Variants in MROH1 observed in about 807,000 individuals in gnomAD.
The protein encoded by MROH1 is maestro heat-like repeat-containing protein family member 1.
In MROH1, 117 loss-of-function variants were observed where a neutral mutation model predicts 116.5. That is an observed-to-expected ratio of 1.00 (90% CI 0.86 to 1.17). MROH1 has a LOEUF of 1.17. Among genes scored for constraint, MROH1 ranks in the 50% most tolerant of loss-of-function variants. The probability of loss-of-function intolerance (pLI) is 0.00; values close to 1 mark genes in which losing one functional copy is unlikely to be tolerated. For missense variants in MROH1, 1,873 were observed against 1,338.5 expected (o/e 1.40, Z -6.23); for synonymous variants, 921 against 583.9 (o/e 1.58, Z -8.32).
At chr8:144,159,656 A>T (rs1374049745) in intron 1 of MROH1, among the ~76,000 whole-genome samples, 1 of 151,954 alleles carries the variant, frequency 6.6e-6, no homozygotes, top group Non-Finnish European at 1.5e-5. Flanking sequence ...TTAATAACTA[A>T]TGTCTGTGTC....
intron 12 of MROH1, among the ~76,000 whole-genome samples, chr8:144,206,852 G>A (rs1024401235): frequency 3.3e-5 from 5 of 151,376 alleles, no homozygotes; most frequent in Non-Finnish European, 5.9e-5. Context: ...GGCCAACATG[G>A]TGAAACCCTC....
At chr8:144,203,490 T>G (rs1389749034) in intron 12 of MROH1, among the ~76,000 whole-genome samples, 9 of 118,918 alleles carry the variant, frequency 7.6e-5, no homozygotes, top group South Asian at 2.9e-4. Flanking sequence ...GGCTATCTGT[T>G]GAGGGGTTGG....
intron 12 of MROH1, chr8:144,213,194 A>G: frequency 1.4e-6 from 1 of 718,068 alleles, no homozygotes; most frequent in Non-Finnish European, 2.6e-6. Context: ...GCGACTGCCC[A>G]TGTGGCCCTC....
intron 14 of MROH1, among the ~76,000 whole-genome samples, chr8:144,226,498 G>C (rs7815221): frequency 0.06 from 9,179 of 152,038 alleles, 955 homozygotes; most frequent in African/African-American, 0.21. Flanking sequence ...TATTACTCAG[G>C]CTGGAGTAAA....
At chr8:144,213,191 C>T (rs184451783) in intron 12 of MROH1, 15 of 718,194 alleles carry the variant, frequency 2.1e-5, no homozygotes, top group Non-Finnish European at 1.8e-5. Context: ...CGGGCGACTG[C>T]CCATGTGGCC....
chr8:144,260,096 T>G (rs1327434178), intron 38 of MROH1, 39 bp downstream of exon 38: 5 of 739,580 alleles, frequency 6.8e-6, no homozygotes, highest in Admixed American at 3.6e-5. Context: ...CCAGGCAGCA[T>G]GGGTGGGGGG....
intron 14 of MROH1, among the ~76,000 whole-genome samples, chr8:144,228,207 C>T (rs1025422900): frequency 6.6e-6 from 1 of 152,182 alleles, no homozygotes; most frequent in Non-Finnish European, 1.5e-5. Flanking sequence ...TATGCTCCAG[C>T]CTGGGCAACA....
intron 36 of MROH1, 71 bp downstream of exon 36, chr8:144,258,985 C>A: frequency 1.5e-6 from 1 of 663,864 alleles, no homozygotes. Context: ...CAGAACATGA[C>A]AGGATCAGGC....
chr8:144,175,018 C>T, intron 4 of MROH1: 1 of 985,408 alleles, frequency 1.0e-6, no homozygotes, highest in Non-Finnish European at 1.2e-6. Flanking sequence ...GCAAAGATTT[C>T]CCTCAAACTT....
At chr8:144,217,502 C>G (rs1294059579) in intron 12 of MROH1, among the ~76,000 whole-genome samples, 3 of 152,234 alleles carry the variant, frequency 2.0e-5, no homozygotes, top group Admixed American at 2.0e-4. Context: ...AATGCTCAAT[C>G]TATCCAGGCT....
At chr8:144,166,546 T>G (rs1445725437) in intron 3 of MROH1, among the ~76,000 whole-genome samples, 2 of 152,142 alleles carry the variant, frequency 1.3e-5, no homozygotes, top group African/African-American at 4.8e-5. Context: ...CCCTGCTCCC[T>G]AGAGCTCTGT....
chr8:144,154,215 C>G (rs1199715333), intron 1 of MROH1, among the ~76,000 whole-genome samples: 1 of 152,096 alleles, frequency 6.6e-6, no homozygotes, highest in East Asian at 1.9e-4. Flanking sequence ...CAGGCACGTG[C>G]CACCACGCCG....
Position 144,167,604 on chromosome 8 carries a change from G to A in MROH1, c.23-691G>A, listed in dbSNP as rs375494792. On this transcript the variant is annotated intron_variant, in intron 3 of 43. Transcript: ENST00000326134. The stretch of plus-strand genomic sequence containing the variant: ...GAGTGGCTGGTTGTCGGGGTGGAGC[G>A]GCCAGTTGGCACAAGTCCCTGGGAT... Among the ~76,000 whole-genome samples the A allele has an allele frequency of 3.1e-4, 47 of 152,164 alleles. 3 individuals carry two copies. In the South Asian group the frequency reaches 7.1e-3, roughly 23 times the overall value.
intron 14 of MROH1, among the ~76,000 whole-genome samples, chr8:144,228,255 ATACTG>A (rs1234406058): frequency 6.6e-6 from 1 of 152,216 alleles, no homozygotes; most frequent in Non-Finnish European, 1.5e-5. Context: ...TGTTTACACT[ATACTG>A]TAGTATATTA....
At chr8:144,243,421 GAA>G in intron 24 of MROH1, 71 bp from the exon 25 acceptor site, 1 of 764,482 alleles carries the variant, frequency 1.3e-6, no homozygotes, top group Non-Finnish European at 2.4e-6. Flanking sequence ...TCAGAGGAAA[GAA>G]AAGGGGGTAT....
rs1353193458 is a variant in MROH1 at position 144,206,865 on chromosome 8, T to TG, written c.1141+6324_1141+6325insG. ...CTGGCCAACATGGTGAAACCCTCTCTCTACTAAAAATACAAAAAAATGCCA... is the reference window on the plus strand; with the variant it reads ...CTGGCCAACATGGTGAAACCCTCTCTGCTACTAAAAATACAAAAAAATGCCA... On this transcript the variant is annotated intron_variant, in intron 12 of 43. Coordinates refer to ENST00000326134, the MANE Select transcript of MROH1 (RefSeq NM_032450.3). 7.3e-5 allele frequency among the ~76,000 whole-genome samples: 11 copies of TG among 151,518 alleles called. No individual in the cohort carries two copies. The East Asian group carries it at 2.2e-3, about 31-fold the overall frequency.
intron 1 of MROH1, among the ~76,000 whole-genome samples, chr8:144,156,237 C>G (rs1361696269): frequency 1.2e-5 from 1 of 83,964 alleles, no homozygotes; most frequent in Non-Finnish European, 2.3e-5. Context: ...AACTCCGTCT[C>G]AAAGAAAAAA....
At position 144,190,295 on chromosome 8, in the gene MROH1, A is replaced by C. The variant is rs192020971; in HGVS notation, c.563-489A>C. Among the ~76,000 whole-genome samples, 42 of 152,332 alleles carry C rather than the reference A, an allele frequency of 2.8e-4. No homozygotes were observed. In the East Asian group the frequency reaches 7.1e-3, roughly 26 times the overall value. On this transcript the variant is annotated intron_variant, in intron 7 of 43. Coordinates refer to ENST00000326134, the MANE Select transcript of MROH1 (RefSeq NM_032450.3). ...GTAATCTCAGCACTTTGGGAGGCCAAGGTGGGCAGATCACTTGAGGTCAGC... is the reference window on the plus strand; with the variant it reads ...GTAATCTCAGCACTTTGGGAGGCCACGGTGGGCAGATCACTTGAGGTCAGC...
intron 21 of MROH1, 101 bp downstream of exon 21, chr8:144,241,212 G>A: frequency 2.9e-6 from 2 of 700,356 alleles, no homozygotes; most frequent in East Asian, 2.7e-5. Context: ...GTGCCTGTGT[G>A]TGCGTGTGTG....
Sources: allele counts gnomAD v4.1 joint callset (sites outside exome capture counted in the v4.1 genomes callset), GRCh38; gene constraint gnomAD v4.1.1; transcripts MANE v1.5; gene names NCBI Gene and HGNC (gene_info 2026-07-23, HGNC 2026-07-21).